Variants in KIF13A observed in about 807,000 individuals in gnomAD.
KIF13A encodes kinesin family member 13A.
In KIF13A, 79 loss-of-function variants were observed where a neutral mutation model predicts 212.2. The ratio of observed to expected loss-of-function variants is 0.37; its 90% CI spans 0.31 to 0.45. The LOEUF (loss-of-function observed/expected upper bound fraction) is 0.45, where lower values mean the gene tolerates loss of function less well. Among genes scored for constraint, KIF13A ranks in the 20% least tolerant of loss-of-function variants. The pLI is 1.00. For missense variants in KIF13A, 1,901 were observed against 2,209.0 expected (o/e 0.86, Z 2.79); for synonymous variants, 789 against 808.6 (o/e 0.98, Z 0.41).
intron 17 of KIF13A, among the ~76,000 whole-genome samples, chr6:17,810,745 A>G (rs1487252606): frequency 6.6e-6 from 1 of 152,180 alleles, no homozygotes; most frequent in Non-Finnish European, 1.5e-5. Context: ...TCAGACTCTT[A>G]TAAGGAACAT....
At chr6:17,770,354 A>C (rs1450175620) in intron 38 of KIF13A, 2 of 102,404 alleles carry the variant, frequency 2.0e-5, no homozygotes, top group African/African-American at 3.3e-5. Context: ...GCTTGAGAAT[A>C]AACAGGATTT....
chr6:17,847,033 G>T (rs1767134301), intron 9 of KIF13A, among the ~76,000 whole-genome samples: 1 of 152,160 alleles, frequency 6.6e-6, no homozygotes, highest in South Asian at 2.1e-4. Flanking sequence ...ATGCTGATGT[G>T]ACATTGCATA....
intron 2 of KIF13A, among the ~76,000 whole-genome samples, chr6:17,985,321 C>T (rs1253840186): frequency 2.0e-5 from 3 of 152,166 alleles, no homozygotes; most frequent in Admixed American, 6.5e-5. Flanking sequence ...TAGTAACTAA[C>T]GTGGTTCAGC....
intron 16 of KIF13A, among the ~76,000 whole-genome samples, chr6:17,820,648 T>G (rs75827754): frequency 0.011 from 1,604 of 152,344 alleles, 25 homozygotes; most frequent in African/African-American, 0.034. Flanking sequence ...TTGAATGAAC[T>G]GTTTTAAATA....
chr6:17,969,184 G>A (rs1267037490), intron 2 of KIF13A, among the ~76,000 whole-genome samples: 1 of 152,220 alleles, frequency 6.6e-6, no homozygotes, highest in East Asian at 1.9e-4. Context: ...CTCTCAAGGA[G>A]TTTGCAGTCT....
chr6:17,987,525 C>A lies in KIF13A; in HGVS notation c.-62G>T. 1 of 936,682 alleles carries A rather than the reference C, an allele frequency of 1.1e-6. No individual in the cohort carries two copies. The highest frequency in any genetic ancestry group is 1.3e-6 in the Non-Finnish European group (1 of 771,438). The allele number at this position is 936,682 out of a possible 1,614,324, so 58.0% of individuals were successfully genotyped here. A position where few individuals can be genotyped will look rare whatever the true frequency, so the allele number is the denominator to read the frequency against. On this transcript the variant is annotated 5_prime_UTR_variant, in exon 1 of 39. Transcript: ENST00000259711. This position sits in a 1 kb window ranked among gnomAD's most constrained non-coding sequence, Gnocchi z 7.7. ...TCGGCCTTAGGCGGCCCCTCACGCG[C>A]GGCGCCGCCGCCGCTGCAGCCGCGC...
intron 9 of KIF13A, among the ~76,000 whole-genome samples, chr6:17,846,164 T>C (rs9477542): frequency 0.1 from 15,581 of 150,742 alleles, 2,341 homozygotes; most frequent in African/African-American, 0.33. Context: ...CCATGTTGGT[T>C]AGCTTGGTCT....
At chr6:17,817,889 T>G (rs1764090127) in intron 16 of KIF13A, among the ~76,000 whole-genome samples, 1 of 152,186 alleles carries the variant, frequency 6.6e-6, no homozygotes, top group Non-Finnish European at 1.5e-5. Context: ...CTCACCACCA[T>G]GCACATGGGT....
chr6:17,845,340 G>C (rs1020279996), intron 9 of KIF13A, among the ~76,000 whole-genome samples: 2 of 152,094 alleles, frequency 1.3e-5, no homozygotes, highest in Non-Finnish European at 2.9e-5. Flanking sequence ...TGAAATACTA[G>C]AAATACCATG....
chr6:17,986,768 T>C (rs762078133), intron 2 of KIF13A, among the ~76,000 whole-genome samples: 3 of 152,230 alleles, frequency 2.0e-5, no homozygotes, highest in Non-Finnish European at 4.4e-5. Flanking sequence ...GAATCACCTA[T>C]GGGGTCCCAT....
intron 2 of KIF13A, among the ~76,000 whole-genome samples, chr6:17,962,241 G>T (rs1778879260): frequency 6.6e-6 from 1 of 152,192 alleles, no homozygotes; most frequent in Non-Finnish European, 1.5e-5. Context: ...AACCCAGGAG[G>T]TGGAGGTTGC....
intron 9 of KIF13A, among the ~76,000 whole-genome samples, chr6:17,845,726 T>C (rs115501780): frequency 0.012 from 1,817 of 152,080 alleles, 38 homozygotes; most frequent in African/African-American, 0.042. Flanking sequence ...GATTGGCTTT[T>C]CAAATGTATT....
In KIF13A at chr6:17,837,652, C is replaced by A. The variant is rs1766093063; in HGVS notation, c.831-69G>T. 1.1e-5 allele frequency: 12 copies of A among 1,072,432 alleles called. No individual in the cohort carries two copies. The highest frequency in any genetic ancestry group is 1.5e-5 in the Non-Finnish European group (11 of 717,338). The allele number at this position is 1,072,432 out of a possible 1,614,324, so 66.4% of individuals were successfully genotyped here. A position where few individuals can be genotyped will look rare whatever the true frequency, so the allele number is the denominator to read the frequency against. On this transcript the variant is annotated intron_variant, in intron 9 of 38. Transcript: ENST00000259711. The surrounding 1 kb of genome is among the most constrained non-coding windows in gnomAD (Gnocchi z 5.4). ...TGGTTTAAGTATAAAATATGCAGAA[C>A]AATAAAGCTCCACAGTTAATACACG...
At chr6:17,836,834 A>C (rs758436323) in intron 11 of KIF13A, 44 bp downstream of exon 11, 2 of 1,571,060 alleles carry the variant, frequency 1.3e-6, no homozygotes, top group Admixed American at 3.4e-5. Context: ...CAAATCCCGC[A>C]AGCCAGGGAA....
At chr6:17,790,094 T>C (rs1406888453) in intron 25 of KIF13A, among the ~76,000 whole-genome samples, 184 bp from the exon 26 acceptor site, 1 of 152,220 alleles carries the variant, frequency 6.6e-6, no homozygotes, top group Non-Finnish European at 1.5e-5. Flanking sequence ...ATAAAGAATT[T>C]TTCACATAAA....
intron 2 of KIF13A, among the ~76,000 whole-genome samples, chr6:17,902,526 G>T (rs942726537): frequency 2.0e-5 from 3 of 151,968 alleles, no homozygotes; most frequent in African/African-American, 7.3e-5. Context: ...TCTCTTCCAG[G>T]TCACCCACAC....
chr6:17,808,468 C>T (rs1284673177), intron 18 of KIF13A, among the ~76,000 whole-genome samples: 6 of 151,998 alleles, frequency 3.9e-5, no homozygotes, highest in South Asian at 4.1e-4. Context: ...GGGGCATTTA[C>T]ATGCAAAAAA....
At chr6:17,800,834 C>T (rs1453633996) in intron 20 of KIF13A, among the ~76,000 whole-genome samples, 2 of 151,642 alleles carry the variant, frequency 1.3e-5, no homozygotes, top group African/African-American at 4.8e-5. Flanking sequence ...CTCCTGACCT[C>T]ATGATCCACC....
chr6:17,893,832 CTTTTTTTTT>C (rs139288852), intron 3 of KIF13A, among the ~76,000 whole-genome samples: 1 of 77,328 alleles, frequency 1.3e-5, no homozygotes, highest in Non-Finnish European at 2.5e-5. Flanking sequence ...TTTCCTGCAT[CTTTTTTTTT>C]TTTTTTTTTT....
Sources: gnomAD v4.1 joint callset for allele counts (sites outside exome capture counted in the v4.1 genomes callset) on GRCh38, gnomAD v4.1.1 for gene constraint, Gnocchi (gnomAD v3.1) non-coding constraint, MANE v1.5 for transcripts, NCBI Gene and HGNC (gene_info 2026-07-23, HGNC 2026-07-21) for gene names.